The following UNC5D variants were observed in gnomAD, a reference collection of about 807,000 sequenced individuals.
UNC5D encodes unc-5 netrin receptor D, also known as netrin receptor UNC5D.
Under a neutral mutation model 105.4 loss-of-function variants are expected in UNC5D, and 39 were observed. The observed-to-expected ratio is 0.37, with a 90% CI of 0.29 to 0.48. UNC5D has a LOEUF of 0.48. Among genes scored for constraint, UNC5D ranks in the 20% least tolerant of loss-of-function variants. UNC5D has a pLI of 0.98. For missense variants in UNC5D, 991 were observed against 1,202.4 expected (o/e 0.82, Z 2.60); for synonymous variants, 452 against 450.4 (o/e 1.00, Z -0.04).
chr8:35,358,551 C>A (rs1801685148), intron 1 of UNC5D, among the ~76,000 whole-genome samples: 1 of 152,114 alleles, frequency 6.6e-6, no homozygotes, highest in South Asian at 2.1e-4. Context: ...GGCTTCATAC[C>A]TAGGGTGATG....
At chr8:35,643,861 T>A (rs186626794) in intron 4 of UNC5D, among the ~76,000 whole-genome samples, 376 of 152,294 alleles carry the variant, frequency 2.5e-3, no homozygotes, top group African/African-American at 8.8e-3. Context: ...ACTAGAGGTA[T>A]GATTAAAAAA....
intron 1 of UNC5D, among the ~76,000 whole-genome samples, chr8:35,362,407 G>A (rs1364583801): frequency 6.6e-6 from 1 of 152,132 alleles, no homozygotes; most frequent in Non-Finnish European, 1.5e-5. Flanking sequence ...AGTGCCTTCT[G>A]GGTAGAGCAC....
chr8:35,500,947 G>A (rs1811925837), intron 1 of UNC5D, among the ~76,000 whole-genome samples: 1 of 106,794 alleles, frequency 9.4e-6, no homozygotes, highest in South Asian at 3.2e-4. Flanking sequence ...AAAGGAAATA[G>A]GAGGAAAGTA....
rs192773586 is a variant in UNC5D at position 35,293,207 on chromosome 8, G to A, written c.103+57320G>A. On this transcript the variant is annotated intron_variant, in intron 1 of 16. Transcript: ENST00000404895. ...AAGAGGTAGTGGAAGTAGAAGGGGA[G>A]GCAGGAGAGGCAGGCACATTTGATG... Among the ~76,000 whole-genome samples the A allele has an allele frequency of 2.8e-3, 422 of 152,212 alleles. 4 individuals are homozygous for A. The highest frequency in any genetic ancestry group is 9.6e-3 in the African/African-American group (400 of 41,538).
intron 1 of UNC5D, among the ~76,000 whole-genome samples, chr8:35,413,636 A>G (rs1805340948): frequency 6.6e-6 from 1 of 152,064 alleles, no homozygotes; most frequent in South Asian, 2.1e-4. Flanking sequence ...TGATGAAAGG[A>G]TCTCTCTACC....
intron 1 of UNC5D, among the ~76,000 whole-genome samples, chr8:35,303,303 A>G (rs1450200916): frequency 6.6e-6 from 1 of 152,152 alleles, no homozygotes; most frequent in African/African-American, 2.4e-5. Context: ...AGTTTTTCCA[A>G]TAATTAAAGG....
intron 2 of UNC5D, among the ~76,000 whole-genome samples, chr8:35,565,013 T>A (rs553626762): frequency 6.6e-6 from 1 of 152,340 alleles, no homozygotes; most frequent in East Asian, 1.9e-4. Context: ...TTAGCTTGAT[T>A]CCCTATCTTT....
At chr8:35,616,001 C>T (rs1586258492) in intron 4 of UNC5D, among the ~76,000 whole-genome samples, 1 of 152,210 alleles carries the variant, frequency 6.6e-6, no homozygotes, top group Non-Finnish European at 1.5e-5. Flanking sequence ...CCTAATATTG[C>T]TATCCTTGAT....
chr8:35,728,095 A>AAAAATAT (rs34672872), intron 10 of UNC5D, among the ~76,000 whole-genome samples: 46 of 110,356 alleles, frequency 4.2e-4, no homozygotes, highest in African/African-American at 2.4e-3. Context: ...AAAAAAAAAA[A>AAAAATAT]ATATATATAT....
At chr8:35,380,192 C>T (rs923053407) in intron 1 of UNC5D, among the ~76,000 whole-genome samples, 12 of 112,236 alleles carry the variant, frequency 1.1e-4, no homozygotes, top group East Asian at 4.8e-4. Flanking sequence ...AGACAGAGAC[C>T]GAGAGGGAGA....
intron 1 of UNC5D, among the ~76,000 whole-genome samples, chr8:35,252,019 CT>C (rs1177014089): frequency 0.012 from 1,355 of 117,258 alleles, 7 homozygotes; most frequent in South Asian, 0.049. Flanking sequence ...ACCAATGGTT[CT>C]TTTTTTTTTT....
chr8:35,521,510 T>C lies in UNC5D; in HGVS notation c.104-27782T>C, dbSNP rs549209584. Among the ~76,000 whole-genome samples the C allele has an allele frequency of 3.9e-5, 6 of 152,214 alleles. No individual in the cohort carries two copies. In the South Asian group the frequency reaches 8.3e-4, roughly 21 times the overall value. The stretch of plus-strand genomic sequence containing the variant: ...CAGAGAAACAGTGTCTCAAATAACA[T>C]AGAAAGATAATTGATTAACTAATGT... On this transcript the variant is annotated intron_variant, in intron 1 of 16. Transcript: ENST00000404895.
intron 1 of UNC5D, among the ~76,000 whole-genome samples, chr8:35,412,478 A>T (rs541326958): frequency 6.6e-6 from 1 of 151,990 alleles, no homozygotes; most frequent in African/African-American, 2.4e-5. Context: ...AAAAAAAAAA[A>T]AGCACTGAAC....
rs577543366 is a variant in UNC5D, at chr8:35,323,263, A to T, written c.103+87376A>T. Among the ~76,000 whole-genome samples the T allele has an allele frequency of 6.7e-5, 10 of 149,664 alleles. No individual in the cohort carries two copies. In the East Asian group the frequency reaches 2.0e-3, roughly 29 times the overall value. Reference sequence around the variant, plus strand: ...TTCAGCCATTGTGATACCTGGGACCATATAAAAGTAATCAGGATTAAGCTT... The same window carrying T: ...TTCAGCCATTGTGATACCTGGGACCTTATAAAAGTAATCAGGATTAAGCTT... On this transcript the variant is annotated intron_variant, in intron 1 of 16. Coordinates refer to ENST00000404895, the MANE Select transcript of UNC5D (RefSeq NM_080872.4).
Position 35,646,050 on chromosome 8 carries a change from C to T in UNC5D, c.571-37497C>T, listed in dbSNP as rs145511216. Reference sequence around the variant, plus strand: ...GTGATGTAAATGATGCGAAAATAATCAACCAAAGAAATGGATTAGAATAAT... The same window carrying T: ...GTGATGTAAATGATGCGAAAATAATTAACCAAAGAAATGGATTAGAATAAT... On this transcript the variant is annotated intron_variant, in intron 4 of 16. Coordinates refer to ENST00000404895, the MANE Select transcript of UNC5D (RefSeq NM_080872.4). Among the ~76,000 whole-genome samples, 145 of 152,212 alleles carry T rather than the reference C, an allele frequency of 9.5e-4. 3 individuals carry two copies. The East Asian group carries it at 0.023, about 24-fold the overall frequency.
At chr8:35,451,899 G>A (rs1247776872) in intron 1 of UNC5D, among the ~76,000 whole-genome samples, 1 of 152,124 alleles carries the variant, frequency 6.6e-6, no homozygotes, top group Non-Finnish European at 1.5e-5. Context: ...AAGGAGGGAG[G>A]TAAATTTAAA....
At chr8:35,311,300 A>C (rs1808861456) in intron 1 of UNC5D, among the ~76,000 whole-genome samples, 1 of 152,110 alleles carries the variant, frequency 6.6e-6, no homozygotes, top group African/African-American at 2.4e-5. Flanking sequence ...CTGTGCCAAA[A>C]AGTCTGGACC....
At chr8:35,388,574 A>G (rs1240539371) in intron 1 of UNC5D, among the ~76,000 whole-genome samples, 1 of 152,194 alleles carries the variant, frequency 6.6e-6, no homozygotes, top group Non-Finnish European at 1.5e-5. Flanking sequence ...AAAGGGTTAT[A>G]TGGTCAAACA....
chr8:35,252,193 G>T (rs959537990), intron 1 of UNC5D, among the ~76,000 whole-genome samples: 1 of 151,732 alleles, frequency 6.6e-6, no homozygotes, highest in African/African-American at 2.4e-5. Flanking sequence ...TTTATGAAAA[G>T]CCCCTTGTAA....
Sources: gnomAD v4.1 joint callset for allele counts (sites outside exome capture counted in the v4.1 genomes callset) on GRCh38, gnomAD v4.1.1 for gene constraint, MANE v1.5 for transcripts, NCBI Gene and HGNC (gene_info 2026-07-23, HGNC 2026-07-21) for gene names.